The following GRM7 variants were observed in gnomAD, a reference collection of about 807,000 sequenced individuals.
GRM7 encodes glutamate metabotropic receptor 7, also known as metabotropic glutamate receptor 7.
Under a neutral mutation model 84.5 loss-of-function variants are expected in GRM7, and 35 were observed. That is an observed-to-expected ratio of 0.41 (90% CI 0.32 to 0.55). The LOEUF is 0.55. Ranked by LOEUF, GRM7 falls within the 20% of genes least tolerant of loss-of-function variation. The pLI is 0.19. For synonymous variants in GRM7, 487 were observed against 455.1 expected (o/e 1.07, Z -0.89); for missense variants, 1,003 against 1,194.6 (o/e 0.84, Z 2.36).
intron 9 of GRM7, chr3:7,693,616 C>CTGTT: frequency 6.8e-7 from 1 of 1,481,014 alleles, no homozygotes; most frequent in Non-Finnish European, 9.1e-7. Flanking sequence ...GAGACTTGAG[C>CTGTT]TGTTGTTTTT....
At chr3:7,625,517 G>C (rs1434434922) in intron 8 of GRM7, among the ~76,000 whole-genome samples, 1 of 152,064 alleles carries the variant, frequency 6.6e-6, no homozygotes, top group South Asian at 2.1e-4. Context: ...AAAAAACAGG[G>C]ACATTGGCTG....
intron 4 of GRM7, among the ~76,000 whole-genome samples, chr3:7,372,225 A>C (rs186153942): frequency 6.6e-6 from 1 of 152,316 alleles, no homozygotes. Context: ...TGGCATTCAC[A>C]TTGAGATTTG....
intron 1 of GRM7, among the ~76,000 whole-genome samples, chr3:6,946,907 C>G (rs1308228167): frequency 7.9e-5 from 12 of 152,158 alleles, no homozygotes; most frequent in African/African-American, 1.4e-4. Flanking sequence ...GATTTTGTAT[C>G]CTGAGACTTT....
rs184217104 is a variant in GRM7, at chr3:6,937,612, C to A, written c.519+75705C>A. Reference sequence around the variant, plus strand: ...TCCCACAGGGAAGGAACCAAACAGCCTCAGACACTCTTCCTGAAAGTGGTC... The same window carrying A: ...TCCCACAGGGAAGGAACCAAACAGCATCAGACACTCTTCCTGAAAGTGGTC... On this transcript the variant is annotated intron_variant, in intron 1 of 9. Coordinates refer to ENST00000357716, the MANE Select transcript of GRM7 (RefSeq NM_000844.4). 1.5e-4 allele frequency among the ~76,000 whole-genome samples: 23 copies of A among 152,252 alleles called. No homozygotes were observed. In the South Asian group the frequency reaches 4.8e-3, roughly 32 times the overall value.
chr3:7,482,289 C>G (rs573095201), intron 7 of GRM7, among the ~76,000 whole-genome samples: 1 of 152,290 alleles, frequency 6.6e-6, no homozygotes, highest in South Asian at 2.1e-4. Flanking sequence ...ACATGCGTCT[C>G]AATCCCATAG....
At chr3:7,207,173 T>C (rs934083574) in intron 2 of GRM7, among the ~76,000 whole-genome samples, 15 of 152,198 alleles carry the variant, frequency 9.9e-5, no homozygotes, top group Non-Finnish European at 1.8e-4. Context: ...ATGCTAACTT[T>C]CTCACAGCCT....
At chr3:7,657,100 A>G (rs781422641) in intron 8 of GRM7, among the ~76,000 whole-genome samples, 27 of 152,242 alleles carry the variant, frequency 1.8e-4, no homozygotes, top group Middle Eastern at 3.4e-3. Context: ...AGAAAAGCCA[A>G]TTTTCCACAA....
intron 1 of GRM7, among the ~76,000 whole-genome samples, chr3:6,948,232 C>T: frequency 6.6e-6 from 1 of 152,016 alleles, no homozygotes; most frequent in South Asian, 2.1e-4. Context: ...TTGAATGTGT[C>T]CCAGAGATTC....
chr3:7,141,614 T>A (rs1312038845), intron 1 of GRM7, among the ~76,000 whole-genome samples: 1 of 151,982 alleles, frequency 6.6e-6, no homozygotes, highest in East Asian at 1.9e-4. Flanking sequence ...AAAAACGTGA[T>A]TATCCATGAT....
intron 8 of GRM7, among the ~76,000 whole-genome samples, chr3:7,628,758 G>T (rs759615179): frequency 6.6e-6 from 1 of 152,194 alleles, no homozygotes; most frequent in Non-Finnish European, 1.5e-5. Flanking sequence ...AGAAGTGAAA[G>T]CAATGCTAGT....
Position 7,417,738 on chromosome 3 carries a change from C to G in GRM7, c.1174+2575C>G, listed in dbSNP as rs143937988. ...AAGTCTTATTAATATAACATTCACT[C>G]TTAAGATGTGAGCACAAATTAAAAT... On this transcript the variant is annotated intron_variant, in intron 5 of 9. Coordinates refer to ENST00000357716, the MANE Select transcript of GRM7 (RefSeq NM_000844.4). Among the ~76,000 whole-genome samples the G allele has an allele frequency of 1.0e-3, 156 of 152,210 alleles. 1 individual carries two copies. The highest frequency in any genetic ancestry group is 6.0e-3 in the East Asian group (31 of 5,172).
chr3:7,626,874 C>T (rs1162844980), intron 8 of GRM7, among the ~76,000 whole-genome samples: 2 of 150,606 alleles, frequency 1.3e-5, no homozygotes, highest in African/African-American at 4.9e-5. Context: ...CAAGACCGAA[C>T]ATTATTAATG....
At chr3:7,374,752 A>G (rs7340553) in intron 4 of GRM7, among the ~76,000 whole-genome samples, 2,478 of 151,804 alleles carry the variant, frequency 0.016, 61 homozygotes, top group African/African-American at 0.057. Flanking sequence ...CGGCCTCCCA[A>G]AGTGCTGGGA....
At chr3:6,937,142 T>G (rs922036439) in intron 1 of GRM7, among the ~76,000 whole-genome samples, 5 of 152,214 alleles carry the variant, frequency 3.3e-5, no homozygotes. Flanking sequence ...AAGTCTCTCC[T>G]GTAACACAAG....
rs77811065 is a variant in GRM7, at chr3:7,042,990, C to T, written c.520-103462C>T. Among the ~76,000 whole-genome samples the T allele has an allele frequency of 6.2e-3, 948 of 152,198 alleles. 11 individuals carry two copies. The highest frequency in any genetic ancestry group is 0.022 in the African/African-American group (901 of 41,524). Reference sequence around the variant, plus strand: ...CATCTTTCTTTTAAGATTTGACAGGCGATCTAGATCAGTGTTAAAGAGCTA... The same window carrying T: ...CATCTTTCTTTTAAGATTTGACAGGTGATCTAGATCAGTGTTAAAGAGCTA... On this transcript the variant is annotated intron_variant, in intron 1 of 9. Coordinates refer to ENST00000357716, the MANE Select transcript of GRM7 (RefSeq NM_000844.4).
At chr3:7,540,208 A>G (rs969028419) in intron 7 of GRM7, among the ~76,000 whole-genome samples, 6 of 152,274 alleles carry the variant, frequency 3.9e-5, no homozygotes, top group Admixed American at 2.6e-4. Flanking sequence ...TAACCAGATG[A>G]CCCAGCAACT....
At chr3:7,364,197 G>A (rs1379415416) in intron 4 of GRM7, among the ~76,000 whole-genome samples, 1 of 151,634 alleles carries the variant, frequency 6.6e-6, no homozygotes, top group Admixed American at 6.6e-5. Flanking sequence ...CTTGTTAGAT[G>A]TATATATATA....
chr3:7,036,781 C>A (rs1481043318), intron 1 of GRM7, among the ~76,000 whole-genome samples: 8 of 66,656 alleles, frequency 1.2e-4, no homozygotes, highest in Non-Finnish European at 2.8e-5. Context: ...TTAGCAAGGT[C>A]TTTCTTGCTT....
chr3:7,376,683 T>C (rs75444224), intron 4 of GRM7, among the ~76,000 whole-genome samples: 1,833 of 152,330 alleles, frequency 0.012, 26 homozygotes, highest in African/African-American at 0.039. Context: ...GTATTGCTTA[T>C]GGCTACTTTT....
Sources: allele counts gnomAD v4.1 joint callset (sites outside exome capture counted in the v4.1 genomes callset), GRCh38; gene constraint gnomAD v4.1.1; transcripts MANE v1.5; gene names NCBI Gene and HGNC (gene_info 2026-07-23, HGNC 2026-07-21).